Variants in CANX observed in about 807,000 individuals in gnomAD.
The protein encoded by CANX is calnexin.
A neutral mutation model predicts 75.7 loss-of-function variants in CANX; 14 were observed. The observed-to-expected ratio is 0.19, with a 90% CI of 0.12 to 0.29. The LOEUF is 0.29. Ranked by LOEUF, CANX falls within the 10% of genes least tolerant of loss-of-function variation. CANX has a pLI of 1.00. For synonymous variants in CANX, 227 were observed against 236.9 expected, an observed-to-expected ratio of 0.96 and a Z score of 0.38; for missense variants, 567 against 713.2, an observed-to-expected ratio of 0.79 and a Z score of 2.34.
chr5:179,707,230 G>A, intron 4 of CANX, 40 bp downstream of exon 4: 1 of 1,058,730 alleles, frequency 9.4e-7, no homozygotes, highest in Non-Finnish European at 1.5e-6. Context: ...AGCAGATAGA[G>A]GTTTGACATG....
chr5:179,722,133 C>A (rs1778350697), intron 10 of CANX, among the ~76,000 whole-genome samples: 1 of 152,158 alleles, frequency 6.6e-6, no homozygotes, highest in Non-Finnish European at 1.5e-5. Flanking sequence ...CATTCGAGAC[C>A]AGCCTGGCCA....
chr5:179,731,476 TA>T lies in CANX; in HGVS notation c.*2844del, dbSNP rs35136597. 1.0e-2 allele frequency among the ~76,000 whole-genome samples: 1,419 copies of T among 142,326 alleles called. 9 individuals carry two copies. Among genetic ancestry groups the T allele is most frequent in the African/African-American group, 0.023 (887 of 39,066 alleles). The allele number at this position is 142,326 out of a possible 152,430, so 93.4% of individuals were successfully genotyped here. ...TCTGGTGTAAAATTTGTTTGAATGC[TA>T]AAAAAAAAAAAGCAGGACTGCATTA... On this transcript the variant is annotated 3_prime_UTR_variant, in exon 15 of 15. Transcript: ENST00000247461.
At chr5:179,719,806 T>A in intron 9 of CANX, 25 bp downstream of exon 9, 4 of 1,272,944 alleles carry the variant, frequency 3.1e-6, no homozygotes, top group Non-Finnish European at 4.5e-6. Flanking sequence ...TAACTTTTTT[T>A]AATTACCTGG....
intron 9 of CANX, among the ~76,000 whole-genome samples, chr5:179,720,077 T>A (rs1159514686): frequency 4.6e-5 from 7 of 152,116 alleles, no homozygotes; most frequent in Non-Finnish European, 1.0e-4. Flanking sequence ...GTGATCTGTC[T>A]GCCTTGGCCT....
rs1300305488 is a variant in CANX at position 179,716,142 on chromosome 5, C to T, written c.759C>T (p.Asp253=). Residue 253 remains aspartate (D), a synonymous_variant, in exon 8 of 15, where the codon GAC becomes GAT. Coordinates refer to ENST00000247461, the MANE Select transcript of CANX (RefSeq NM_001746.4). ...ATAATAGTTTTGAAATACTGGTTGA[C>T]CAATCTGTGGTGAATAGTGGAAATC... is the stretch of plus-strand genomic sequence containing the variant. The part of the protein sequence containing the change: ...NPDNSFEILV[D]QSVVNSGNLL... 2 of 1,612,586 alleles carry T rather than the reference C, an allele frequency of 1.2e-6. No individual in the cohort carries two copies. Among genetic ancestry groups the T allele is most frequent in the Non-Finnish European group, 1.7e-6 (2 of 1,178,686 alleles).
chr5:179,692,581 G>A (rs181132845), intron 1 of CANX, among the ~76,000 whole-genome samples: 1 of 152,226 alleles, frequency 6.6e-6, no homozygotes, highest in Non-Finnish European at 1.5e-5. Flanking sequence ...CTAGTGGAGT[G>A]CAGTGGCATG....
At chr5:179,712,592 T>A (rs1203278850) in intron 7 of CANX, among the ~76,000 whole-genome samples, 2 of 151,290 alleles carry the variant, frequency 1.3e-5, no homozygotes, top group African/African-American at 2.4e-5. Context: ...CTAATTTTTT[T>A]TTTTTTTTTT....
At position 179,715,963 on chromosome 5, in the gene CANX, C is replaced by A. The variant is rs565833953; in HGVS notation, c.722-142C>A. The A allele has an allele frequency of 6.3e-5, 45 of 716,658 alleles. No individual in the cohort carries two copies. The East Asian group carries it at 1.2e-3, about 18-fold the overall frequency. 44.4% of individuals were successfully genotyped at this position (716,658 alleles called of 1,614,324 possible). On this transcript the variant is annotated intron_variant, in intron 7 of 14. Transcript: ENST00000247461. ...AAATGGGCGTTAGCTTCCCCAAGAC[C>A]CCAGGAGCCAGGCATTGTTCTTACC...
chr5:179,678,771 G>T (rs904804054), exon 1 of CANX: 2 of 1,537,082 alleles, frequency 1.3e-6, no homozygotes, highest in Non-Finnish European at 1.7e-6. Flanking sequence ...TCCTGCTGCA[G>T]CTTCAGGTAG....
chr5:179,720,463 C>T lies in CANX; in HGVS notation c.1085C>T (p.Ser362Leu). ...APQIANPRCESAPGCGVWQRP... is the reference protein window; with the variant it reads ...APQIANPRCELAPGCGVWQRP... The stretch of plus-strand genomic sequence containing the variant: ...CAGATTGCCAACCCTAGATGTGAGT[C>T]AGCTCCTGGATGTGGTGTCTGGCAG... The change falls in exon 10 of 15, where the codon TCA (serine) becomes TTA (leucine). Residue 362 changes from serine to leucine, a missense_variant. Physicochemically the swap from Ser to Leu is moderately radical, Grantham distance 145 (BLOSUM62 -2). Coordinates refer to ENST00000247461, the MANE Select transcript of CANX (RefSeq NM_001746.4). 2 of 1,613,758 alleles carry T rather than the reference C, an allele frequency of 1.2e-6. No individual in the cohort carries two copies. Among genetic ancestry groups the T allele is most frequent in the East Asian group, 2.2e-5 (1 of 44,886 alleles).
chr5:179,708,166 G>C (rs912589695), intron 4 of CANX, 73 bp from the exon 5 acceptor site: 71 of 1,221,420 alleles, frequency 5.8e-5, no homozygotes, highest in Non-Finnish European at 8.0e-5. Context: ...CAACTAGGAG[G>C]TGTTTTTTTT....
rs1208660807 is a variant in CANX, at chr5:179,708,356, T to C, written c.422T>C (p.Phe141Ser). ...GCTAAACTGAACAAGCCCTTCCTGT[T>C]TGACACCAAGCCTCTCATTGTTCAG... ...ISAKLNKPFLFDTKPLIVQYE... is the reference protein window; with the variant it reads ...ISAKLNKPFLSDTKPLIVQYE... The change falls in exon 5 of 15, where the codon TTT (phenylalanine) becomes TCT (serine). Residue 141 changes from phenylalanine to serine, a missense_variant. By Grantham distance (155) the Phe-to-Ser change is radical. Transcript: ENST00000247461. 1 of 1,613,534 alleles carries C rather than the reference T, an allele frequency of 6.2e-7. No homozygotes were observed. The highest frequency in any genetic ancestry group is 8.5e-7 in the Non-Finnish European group (1 of 1,179,690).
chr5:179,698,417 A>G, upstream of CANX: 1 of 1,268,450 alleles, frequency 7.9e-7, no homozygotes, highest in East Asian at 5.7e-5. Flanking sequence ...AGCGCGGAGC[A>G]GTGCACGCCA....
At chr5:179,719,516 C>T (rs548021818) in intron 8 of CANX, 152 bp from the exon 9 acceptor site, 37 of 498,448 alleles carry the variant, frequency 7.4e-5, no homozygotes, top group Admixed American at 5.1e-4. Context: ...AGGCCCTTAG[C>T]AGATATATGA....
At chr5:179,690,761 C>T (rs1180303429) in intron 1 of CANX, among the ~76,000 whole-genome samples, 1 of 151,374 alleles carries the variant, frequency 6.6e-6, no homozygotes, top group African/African-American at 2.4e-5. Flanking sequence ...CGGTGGCATG[C>T]GCCTGTAATC....
At position 179,716,188 on chromosome 5, in the gene CANX, C is replaced by T. The variant is rs573991716; in HGVS notation, c.805C>T (p.Pro269Ser). ...AAATCTGCTCAATGACATGACTCCTCCTGTAAATCCTTCACGTGAAATTGA... is the reference window on the plus strand; with the variant it reads ...AAATCTGCTCAATGACATGACTCCTTCTGTAAATCCTTCACGTGAAATTGA... ...SGNLLNDMTP[P>S]VNPSREIEDP... The change falls in exon 8 of 15, where the codon CCT (proline) becomes TCT (serine). Residue 269 changes from proline (P) to serine (S), a missense_variant. Physicochemically the swap from Pro to Ser is moderately conservative, Grantham distance 74. Transcript: ENST00000247461. 3.5e-5 allele frequency: 57 copies of T among 1,613,452 alleles called. No homozygotes were observed. Among genetic ancestry groups the T allele is most frequent in the Non-Finnish European group, 4.6e-5 (54 of 1,179,360 alleles).
rs1343022155 is a variant in CANX at position 179,680,885 on chromosome 5, C to CTAGA, written c.-4+2109_-4+2110insAGAT. ...GGATGGTACATACCATCCCCAAGAT[C>CTAGA]TGGTTCAGGGAGATGGTCTCTGGAA... On this transcript the variant is annotated intron_variant, in intron 1 of 14. Coordinates refer to the CANX transcript ENST00000681674. 3 of 1,536,832 alleles carry CTAGA rather than the reference C, an allele frequency of 2.0e-6. No individual in the cohort carries two copies. In the Admixed American group the frequency reaches 5.9e-5, roughly 30 times the overall value.
chr5:179,682,183 C>T (rs1562429352), intron 1 of CANX, among the ~76,000 whole-genome samples: 1 of 145,710 alleles, frequency 6.9e-6, no homozygotes. Flanking sequence ...ACCTGGGAGG[C>T]AGAGGTTGCA....
At chr5:179,724,873 C>A in intron 13 of CANX, 90 bp downstream of exon 13, 1 of 1,483,986 alleles carries the variant, frequency 6.7e-7, no homozygotes. Flanking sequence ...TGTTTTTAGC[C>A]AGGCGTGGTG....
Sources: gnomAD v4.1 joint callset for allele counts (sites outside exome capture counted in the v4.1 genomes callset) on GRCh38, gnomAD v4.1.1 for gene constraint, MANE v1.5 for transcripts, NCBI Gene and HGNC (gene_info 2026-07-23, HGNC 2026-07-21) for gene names.